Variants in ATP13A4 observed in about 807,000 individuals in gnomAD.
ATP13A4 encodes probable cation-transporting ATPase 13A4.
In ATP13A4, 114 loss-of-function variants were observed where a neutral mutation model predicts 142.5. The observed-to-expected ratio is 0.80, with a 90% CI of 0.69 to 0.93. The LOEUF (loss-of-function observed/expected upper bound fraction) is 0.93, where lower values mean the gene tolerates loss of function less well. Among genes scored for constraint, ATP13A4 ranks in the 40% least tolerant of loss-of-function variants. The pLI is 0.00. For synonymous variants in ATP13A4, 488 were observed against 514.8 expected (o/e 0.95, Z 0.70); for missense variants, 1,392 against 1,454.0 (o/e 0.96, Z 0.69).
chr3:193,554,573 G>A, intron 1 of ATP13A4, 167 bp downstream of exon 1: 1 of 811,766 alleles, frequency 1.2e-6, no homozygotes, highest in South Asian at 1.5e-5. Context: ...TTACAGGATA[G>A]AGAGATTTCT....
chr3:193,571,292 G>C (rs28429339), intron 2 of ATP13A4, among the ~76,000 whole-genome samples: 1 of 97,984 alleles, frequency 1.0e-5, no homozygotes, highest in Non-Finnish European at 2.0e-5. Context: ...AAAAAAAAAA[G>C]AAATATCCAT....
intron 1 of ATP13A4, among the ~76,000 whole-genome samples, chr3:193,550,164 C>G (rs599336): frequency 0.7 from 105,750 of 152,062 alleles, 36,917 homozygotes; most frequent in East Asian, 0.71. Flanking sequence ...ATTAGGAGTT[C>G]GGAAGAAATA....
At chr3:193,524,256 A>G (rs1423820002) in intron 1 of ATP13A4, among the ~76,000 whole-genome samples, 1 of 152,226 alleles carries the variant, frequency 6.6e-6, no homozygotes. Flanking sequence ...CAAATCTGAC[A>G]GAAGTGTGGG....
chr3:193,437,029 G>T (rs1484382088), intron 23 of ATP13A4, among the ~76,000 whole-genome samples: 1 of 147,728 alleles, frequency 6.8e-6, no homozygotes, highest in Non-Finnish European at 1.5e-5. Context: ...GCGTGAACCC[G>T]GGAGGCGGAG....
intron 1 of ATP13A4, among the ~76,000 whole-genome samples, chr3:193,584,431 T>C (rs1335603299): frequency 6.6e-6 from 1 of 152,206 alleles, no homozygotes; most frequent in African/African-American, 2.4e-5. Flanking sequence ...TATAAGATAA[T>C]AAATTTGTTC....
chr3:193,570,174 G>C (rs909452652), intron 2 of ATP13A4, among the ~76,000 whole-genome samples: 1 of 152,090 alleles, frequency 6.6e-6, no homozygotes, highest in Non-Finnish European at 1.5e-5. Flanking sequence ...TTAGCCAGGC[G>C]TGGTGGCACA....
Position 193,439,068 on chromosome 3 carries a change from A to G in ATP13A4, c.2520-3T>C. 6.2e-7 allele frequency: 1 copy of G among 1,603,416 alleles called. No homozygotes were observed. ...CACCACACATACCTACAAAGTAACT[A>G]AGAGGGAACCACATTAATTGTAGAT... On this transcript the variant is annotated splice_polypyrimidine_tract_variant and splice_region_variant and intron_variant, in intron 21 of 29. Transcript: ENST00000342695.
intron 1 of ATP13A4, among the ~76,000 whole-genome samples, chr3:193,544,779 G>C (rs911032250): frequency 6.6e-6 from 1 of 152,124 alleles, no homozygotes; most frequent in African/African-American, 2.4e-5. Flanking sequence ...TACTGTGTGG[G>C]GCTTATGTAG....
chr3:193,474,799 G>A (rs934436913), intron 8 of ATP13A4, among the ~76,000 whole-genome samples: 3 of 151,972 alleles, frequency 2.0e-5, no homozygotes, highest in African/African-American at 7.3e-5. Flanking sequence ...AGGAGTACAT[G>A]AAAGGATGTG....
At chr3:193,491,737 C>A (rs1056455523) in intron 5 of ATP13A4, among the ~76,000 whole-genome samples, 2 of 152,044 alleles carry the variant, frequency 1.3e-5, no homozygotes, top group Non-Finnish European at 2.9e-5. Context: ...TCCTCAATTC[C>A]GGTTTTATTA....
chr3:193,450,007 T>C (rs1271543820), intron 17 of ATP13A4, among the ~76,000 whole-genome samples: 1 of 151,518 alleles, frequency 6.6e-6, no homozygotes, highest in Non-Finnish European at 1.5e-5. Flanking sequence ...TAATCCCAGC[T>C]ACTCGGGAGG....
intron 2 of ATP13A4, among the ~76,000 whole-genome samples, chr3:193,506,096 C>A (rs371822323): frequency 6.6e-6 from 1 of 152,162 alleles, no homozygotes; most frequent in African/African-American, 2.4e-5. Flanking sequence ...TAAGTAGGAA[C>A]TTATTCTCCC....
chr3:193,584,931 C>T (rs9846719), intron 1 of ATP13A4, among the ~76,000 whole-genome samples: 79,055 of 151,924 alleles, frequency 0.52, 21,330 homozygotes, highest in African/African-American at 0.65. Flanking sequence ...ATGGAATGTT[C>T]CCATGTTTCT....
chr3:193,582,585 A>ATGTATTATATATGTATATTACATG, intron 1 of ATP13A4, among the ~76,000 whole-genome samples: 1 of 124,812 alleles, frequency 8.0e-6, no homozygotes, highest in Non-Finnish European at 1.6e-5. Flanking sequence ...TATATATTAC[A>ATGTATTATATATGTATATTACATG]TATATTATAT....
intron 1 of ATP13A4, among the ~76,000 whole-genome samples, chr3:193,535,988 C>T (rs1309861640): frequency 6.6e-6 from 1 of 151,754 alleles, no homozygotes; most frequent in Non-Finnish European, 1.5e-5. Context: ...TGAATTTGTA[C>T]TTCCTAAATT....
intron 8 of ATP13A4, among the ~76,000 whole-genome samples, chr3:193,473,586 A>C (rs1445318473): frequency 6.6e-6 from 1 of 152,242 alleles, no homozygotes; most frequent in Non-Finnish European, 1.5e-5. Context: ...GAAAATAATA[A>C]ATTTGCAATG....
rs3053200 is a variant in ATP13A4 at position 193,545,973 on chromosome 3, T to TTGTGTG, written c.60+8761_60+8766dup. Among the ~76,000 whole-genome samples the TTGTGTG allele has an allele frequency of 5.6e-3, 800 of 143,418 alleles. 4 individuals are homozygous for TTGTGTG. The highest frequency in any genetic ancestry group is 0.012 in the South Asian group (51 of 4,262). 94.1% of individuals were successfully genotyped at this position (143,418 alleles called of 152,430 possible). On this transcript the variant is annotated intron_variant, in intron 1 of 29. Coordinates refer to ENST00000342695, the MANE Select transcript of ATP13A4 (RefSeq NM_032279.4). ...TTTATCTGTTTTCAAAATGTTTAAA[T>TTGTGTG]TGTGTGTGTGTGTGTGTGTGTGTGT...
At chr3:193,548,883 T>C (rs1315453890) in intron 1 of ATP13A4, among the ~76,000 whole-genome samples, 2 of 152,186 alleles carry the variant, frequency 1.3e-5, no homozygotes, top group African/African-American at 4.8e-5. Flanking sequence ...CCACTGCTAG[T>C]TTTTAGTTAC....
At position 193,466,111 on chromosome 3, in the gene ATP13A4, T is replaced by C. The variant is rs761900569; in HGVS notation, c.1186A>G (p.Arg396Gly). 10 of 1,614,180 alleles carry C rather than the reference T, an allele frequency of 6.2e-6. No individual in the cohort carries two copies. The highest frequency in any genetic ancestry group is 8.5e-6 in the Non-Finnish European group (10 of 1,180,018). The change falls in exon 11 of 30, where the codon AGG becomes GGG. Residue 396 changes from arginine (R) to glycine (G), a missense_variant. Transcript: ENST00000342695. Reference sequence around the variant, plus strand: ...CACAGGAGGAACCTGATGGCATCCCTGTACAACTGAAAATTCACTGGCTTA... The same window carrying C: ...CACAGGAGGAACCTGATGGCATCCCCGTACAACTGAAAATTCACTGGCTTA... Reference protein sequence around the residue: ...YPKPVNFQLYRDAIRFLLCLV... With the variant: ...YPKPVNFQLYGDAIRFLLCLV...
Sources: allele counts gnomAD v4.1 joint callset (sites outside exome capture counted in the v4.1 genomes callset), GRCh38; gene constraint gnomAD v4.1.1; transcripts MANE v1.5; gene names NCBI Gene and HGNC (gene_info 2026-07-23, HGNC 2026-07-21).